Variants in LRRC8C observed in about 807,000 individuals in gnomAD.
LRRC8C encodes the protein leucine rich repeat containing 8 VRAC subunit C, also known as volume-regulated anion channel subunit LRRC8C.
In LRRC8C, 20 loss-of-function variants were observed where a neutral mutation model predicts 55.3. The observed-to-expected ratio is 0.36, with a 90% CI of 0.25 to 0.53. The LOEUF (loss-of-function observed/expected upper bound fraction) is 0.53, where lower values mean the gene tolerates loss of function less well. LRRC8C is among the 20% of genes least tolerant of loss of function. The pLI is 0.92. For synonymous variants in LRRC8C, 376 were observed against 360.7 expected (o/e 1.04, Z -0.48); for missense variants, 659 against 951.4 (o/e 0.69, Z 4.04).
chr1:89,713,845 A>C lies in LRRC8C; in HGVS notation c.1275A>C (p.Arg425=). The change falls in exon 3 of 3, where the codon CGA becomes CGC. Residue 425 remains arginine (R), a synonymous_variant. Coordinates refer to ENST00000370454, the MANE Select transcript of LRRC8C (RefSeq NM_032270.5). This position sits in a 1 kb window ranked among gnomAD's most constrained non-coding sequence, Gnocchi z 5.2. ...AGCTACAGACAAATGCCCATAATCG[A>C]CTGGAATTGCCTCTTATCATGCTCT... is the stretch of plus-strand genomic sequence containing the variant. ...RQKLQTNAHN[R]LELPLIMLSG... 6.2e-7 allele frequency: 1 copy of C among 1,614,186 alleles called. No individual in the cohort carries two copies.
intron 1 of LRRC8C, among the ~76,000 whole-genome samples, chr1:89,644,197 C>T (rs1487785068): frequency 6.6e-6 from 1 of 152,144 alleles, no homozygotes; most frequent in Non-Finnish European, 1.5e-5. Context: ...TTAGTTGAGA[C>T]AAGGTCTCGC....
intron 1 of LRRC8C, among the ~76,000 whole-genome samples, chr1:89,654,736 CTT>C (rs1368249886): frequency 1.3e-5 from 2 of 152,128 alleles, no homozygotes; most frequent in Non-Finnish European, 2.9e-5. Context: ...ACTGATCTGA[CTT>C]TTGTTTCTTT....
upstream of LRRC8C, chr1:89,632,923 G>A (rs993162350): frequency 3.9e-5 from 6 of 152,338 alleles, no homozygotes; most frequent in African/African-American, 1.2e-4. Flanking sequence ...CTGCAGGGGA[G>A]GAAGTTCCCG....
the LRRC8C span, among the ~76,000 whole-genome samples, chr1:89,621,329 C>G: frequency 6.7e-6 from 1 of 148,662 alleles, no homozygotes; most frequent in Non-Finnish European, 1.5e-5. Context: ...ATTAGCCAGG[C>G]GTGGTGGCAG....
intron 1 of LRRC8C, among the ~76,000 whole-genome samples, chr1:89,667,694 A>G (rs537836625): frequency 6.6e-6 from 1 of 152,296 alleles, no homozygotes; most frequent in Admixed American, 6.5e-5. Context: ...ATCCTAAGCC[A>G]CATTCCCTTA....
intron 1 of LRRC8C, among the ~76,000 whole-genome samples, chr1:89,646,993 G>C (rs1340600469): frequency 1.3e-5 from 2 of 151,668 alleles, no homozygotes; most frequent in Non-Finnish European, 2.9e-5. Flanking sequence ...ATATGAACAT[G>C]AATATGATTT....
At chr1:89,674,606 T>C (rs1183840554) in intron 1 of LRRC8C, among the ~76,000 whole-genome samples, 1 of 152,214 alleles carries the variant, frequency 6.6e-6, no homozygotes, top group Admixed American at 6.5e-5. Flanking sequence ...GGGCCATTTT[T>C]CCTGGAGGCT....
intron 2 of LRRC8C, among the ~76,000 whole-genome samples, chr1:89,699,916 C>G (rs574867676): frequency 6.6e-6 from 1 of 152,284 alleles, no homozygotes; most frequent in East Asian, 1.9e-4. Context: ...ATAGTTCAGC[C>G]TTGAAACACA....
intron 2 of LRRC8C, among the ~76,000 whole-genome samples, chr1:89,697,990 T>A (rs1407851703): frequency 6.6e-6 from 1 of 152,178 alleles, no homozygotes; most frequent in Non-Finnish European, 1.5e-5. Context: ...TATGTCAATA[T>A]TTACAGTGAT....
chr1:89,685,026 A>G (rs1340432153), intron 1 of LRRC8C, among the ~76,000 whole-genome samples: 1 of 151,368 alleles, frequency 6.6e-6, no homozygotes, highest in East Asian at 1.9e-4. Context: ...AATAGATAAC[A>G]TTGTAATTGT....
upstream of LRRC8C, among the ~76,000 whole-genome samples, chr1:89,628,441 G>A (rs1656027445): frequency 6.6e-6 from 1 of 152,124 alleles, no homozygotes; most frequent in Admixed American, 6.6e-5. Context: ...TCAGGCTGGA[G>A]TGCAATGTCC....
intron 2 of LRRC8C, among the ~76,000 whole-genome samples, chr1:89,694,408 T>C (rs1307941342): frequency 6.6e-6 from 1 of 152,020 alleles, no homozygotes; most frequent in Non-Finnish European, 1.5e-5. Context: ...ACTTGGGGGT[T>C]TCTAGCAAAC....
At chr1:89,618,350 G>C in the LRRC8C span, among the ~76,000 whole-genome samples, 1 of 152,226 alleles carries the variant, frequency 6.6e-6, no homozygotes, top group African/African-American at 2.4e-5. Context: ...CTCCTACTGA[G>C]ATTTACAAAC....
upstream of LRRC8C, chr1:89,631,647 A>G (rs757951566): frequency 9.2e-5 from 14 of 151,894 alleles, no homozygotes; most frequent in Non-Finnish European, 1.5e-4. Flanking sequence ...CCTTTTTCCC[A>G]GAGACTCTCT....
At chr1:89,644,350 A>G (rs1003719723) in intron 1 of LRRC8C, among the ~76,000 whole-genome samples, 1 of 152,162 alleles carries the variant, frequency 6.6e-6, no homozygotes, top group Non-Finnish European at 1.5e-5. Flanking sequence ...AATGTTTTGT[A>G]TATTTAGTAG....
At chr1:89,628,445 A>G (rs1046779150), upstream of LRRC8C, among the ~76,000 whole-genome samples, 3 of 152,094 alleles carry the variant, frequency 2.0e-5, no homozygotes, top group African/African-American at 7.2e-5. Context: ...GCTGGAGTGC[A>G]ATGTCCTGAT....
intron 1 of LRRC8C, among the ~76,000 whole-genome samples, chr1:89,656,352 G>A (rs1380835293): frequency 6.6e-6 from 1 of 152,172 alleles, no homozygotes; most frequent in African/African-American, 2.4e-5. Context: ...TCAGGTGTGG[G>A]GTGGGGATGG....
intron 1 of LRRC8C, among the ~76,000 whole-genome samples, chr1:89,659,710 C>T (rs184550635): frequency 6.6e-6 from 1 of 151,990 alleles, no homozygotes; most frequent in African/African-American, 2.4e-5. Context: ...AAATATGGAC[C>T]CCATCAGAAC....
At position 89,715,189 on chromosome 1, in the gene LRRC8C, T is replaced by TG. The variant is rs1658782286; in HGVS notation, c.*208dup. The TG allele has an allele frequency of 5.6e-6, 2 of 357,966 alleles. No individual in the cohort carries two copies. The highest frequency in any genetic ancestry group is 8.7e-5 in the East Asian group (2 of 22,986). The allele number at this position is 357,966 out of a possible 1,614,324, so 22.2% of individuals were successfully genotyped here. A position where few individuals can be genotyped will look rare whatever the true frequency, so the allele number is the denominator to read the frequency against. ...AAGTTTTATTTGTCTTGAAACACAA[T>TG]GTATCTATTATCTACTGACAGAAAG... On this transcript the variant is annotated 3_prime_UTR_variant, in exon 3 of 3. Transcript: ENST00000370454.
Sources: gnomAD v4.1 joint callset for allele counts (sites outside exome capture counted in the v4.1 genomes callset) on GRCh38, gnomAD v4.1.1 for gene constraint, Gnocchi (gnomAD v3.1) non-coding constraint, MANE v1.5 for transcripts, NCBI Gene and HGNC (gene_info 2026-07-23, HGNC 2026-07-21) for gene names.